The following RORA variants were observed in gnomAD, a reference collection of about 807,000 sequenced individuals.
RORA encodes nuclear receptor ROR-alpha.
A neutral mutation model predicts 69.5 loss-of-function variants in RORA; 7 were observed. That is an observed-to-expected ratio of 0.10 (90% confidence interval 0.06 to 0.19). RORA has a LOEUF of 0.19. Ranked by LOEUF, RORA falls within the 10% of genes least tolerant of loss-of-function variation. The probability of loss-of-function intolerance (pLI) is 1.00; values close to 1 mark genes in which losing one functional copy is unlikely to be tolerated. For missense variants in RORA, 457 were observed against 663.0 expected (o/e 0.69, Z 3.41); for synonymous variants, 261 against 240.8 (o/e 1.08, Z -0.78).
chr15:60,674,905 G>C lies in RORA; in HGVS notation c.196+3752C>G, dbSNP rs143722368. ...GGCAGGCTAGGACAAGAGGTACAAG[G>C]ACTGTAAACAAGGATGAGAACAGAA... On this transcript the variant is annotated intron_variant, in intron 2 of 10. Transcript: ENST00000335670. Among the ~76,000 whole-genome samples the C allele has an allele frequency of 2.8e-4, 43 of 152,220 alleles. No homozygotes were observed. In the East Asian group the frequency reaches 6.9e-3, roughly 25 times the overall value.
In RORA at chr15:61,128,714, T is replaced by C. The variant is rs76405613; in HGVS notation, c.166+100339A>G. On this transcript the variant is annotated intron_variant, in intron 1 of 10. Transcript: ENST00000335670. This position sits in a 1 kb window ranked among gnomAD's most constrained non-coding sequence, Gnocchi z 4.5. ...TATCTGTCAGGGAAGGGGAAATAAC[T>C]CCTGAATTTCCTCCAGGGGAGTAAA... Among the ~76,000 whole-genome samples, 502 of 152,286 alleles carry C rather than the reference T, an allele frequency of 3.3e-3. 15 individuals are homozygous for C. In the East Asian group the frequency reaches 0.061, roughly 18 times the overall value.
At chr15:60,798,912 T>C (rs893741867) in intron 1 of RORA, among the ~76,000 whole-genome samples, 3 of 151,480 alleles carry the variant, frequency 2.0e-5, no homozygotes, top group Non-Finnish European at 2.9e-5. Context: ...AACAAAGGCA[T>C]CTAGTTATTG....
At chr15:60,703,126 A>AAC (rs33962963) in intron 1 of RORA, among the ~76,000 whole-genome samples, 2,817 of 145,534 alleles carry the variant, frequency 0.019, 43 homozygotes, top group African/African-American at 0.035. Flanking sequence ...GCTTCAGATT[A>AAC]ACACACACAC....
chr15:60,767,330 C>T (rs965389840), intron 1 of RORA, among the ~76,000 whole-genome samples: 10 of 152,128 alleles, frequency 6.6e-5, no homozygotes, highest in African/African-American at 1.9e-4. Flanking sequence ...AAGGCAAATA[C>T]TAACTGGAAA....
Position 60,515,963 on chromosome 15 carries a change from TTA to T in RORA, c.283-1208_283-1207del, listed in dbSNP as rs1567050935. 1.4e-3 allele frequency among the ~76,000 whole-genome samples: 15 copies of T among 10,896 alleles called. 1 individual carries two copies. The highest frequency in any genetic ancestry group is 0.05 in the Middle Eastern group (1 of 20). 7.1% of individuals were successfully genotyped at this position (10,896 alleles called of 152,430 possible). On this transcript the variant is annotated intron_variant, in intron 3 of 10. Coordinates refer to ENST00000335670, the MANE Select transcript of RORA (RefSeq NM_134261.3). Reference sequence around the variant, plus strand: ...TTTATATATATTTATATATTTATATTTATATATATTTATATATTTATATATAT... The same window carrying T: ...TTTATATATATTTATATATTTATATTTATATATTTATATATTTATATATAT...
At chr15:61,081,820 A>AAG (rs1566979296) in intron 1 of RORA, among the ~76,000 whole-genome samples, 2 of 151,794 alleles carry the variant, frequency 1.3e-5, no homozygotes, top group South Asian at 2.1e-4. Flanking sequence ...AAAAAAAAAA[A>AAG]AAAGAAAGAA....
intron 1 of RORA, among the ~76,000 whole-genome samples, chr15:60,933,968 A>G (rs1892444605): frequency 1.3e-5 from 2 of 152,226 alleles, no homozygotes; most frequent in Admixed American, 6.5e-5. Flanking sequence ...CAAAGTGATG[A>G]GAAGCGCATT....
intron 7 of RORA, among the ~76,000 whole-genome samples, 168 bp from the exon 8 acceptor site, chr15:60,503,035 T>C (rs550918852): frequency 6.6e-6 from 1 of 152,054 alleles, no homozygotes; most frequent in South Asian, 2.1e-4. Flanking sequence ...AAGGGCAGAG[T>C]TTTCTATGTA....
rs1042724540 is a variant in RORA at position 60,747,881 on chromosome 15, C to T, written c.167-69195G>A. ...CTCAGAAAGAAAAAAAATAATAATG[C>T]TTCTTTGTTTCTAGGACTTGGCCTT... On this transcript the variant is annotated intron_variant, in intron 1 of 10. Coordinates refer to ENST00000335670, the MANE Select transcript of RORA (RefSeq NM_134261.3). Among the ~76,000 whole-genome samples the T allele has an allele frequency of 2.6e-5, 4 of 152,180 alleles. No homozygotes were observed. The South Asian group carries it at 8.3e-4, about 32-fold the overall frequency.
In RORA at chr15:60,495,679, C is replaced by T. The variant is rs1402896916; in HGVS notation, c.*1776G>A. Reference sequence around the variant, plus strand: ...CTGCATGGAAACTCCTACCTTAACACCCATCGGAGATGTTCCCTTTTCTGT... The same window carrying T: ...CTGCATGGAAACTCCTACCTTAACATCCATCGGAGATGTTCCCTTTTCTGT... On this transcript the variant is annotated 3_prime_UTR_variant, in exon 11 of 11. Transcript: ENST00000335670. The T allele has an allele frequency of 6.6e-6, 1 of 152,190 alleles. No homozygotes were observed. Among genetic ancestry groups the T allele is most frequent in the African/African-American group, 2.4e-5 (1 of 41,456 alleles). 9.4% of individuals were successfully genotyped at this position (152,190 alleles called of 1,614,324 possible). A position where few individuals can be genotyped will look rare whatever the true frequency, so the allele number is the denominator to read the frequency against.
intron 2 of RORA, among the ~76,000 whole-genome samples, chr15:60,549,337 C>T (rs1408362837): frequency 6.6e-6 from 1 of 152,084 alleles, no homozygotes; most frequent in Non-Finnish European, 1.5e-5. Flanking sequence ...ATCACCAGGG[C>T]ATATTTGTTG....
intron 1 of RORA, among the ~76,000 whole-genome samples, chr15:60,760,371 A>G (rs1020742592): frequency 6.6e-6 from 1 of 152,192 alleles, no homozygotes; most frequent in Admixed American, 6.5e-5. Flanking sequence ...TACTTGGAAT[A>G]ATTCATTAGC....
intron 1 of RORA, among the ~76,000 whole-genome samples, chr15:61,224,895 C>T (rs1567044700): frequency 6.6e-6 from 1 of 152,160 alleles, no homozygotes; most frequent in East Asian, 1.9e-4. Context: ...TCGTTAGGGG[C>T]TTCAATGCAG....
At chr15:60,858,223 T>C (rs1216943409) in intron 1 of RORA, among the ~76,000 whole-genome samples, 4 of 152,194 alleles carry the variant, frequency 2.6e-5, no homozygotes, top group Non-Finnish European at 5.9e-5. Context: ...CTTGTACTTA[T>C]GAAATGGAAA....
chr15:60,885,474 C>T (rs1006078675), intron 1 of RORA, among the ~76,000 whole-genome samples: 6 of 152,188 alleles, frequency 3.9e-5, no homozygotes, highest in African/African-American at 1.4e-4. Context: ...CCCGGCCTAG[C>T]CCTGTCTGAA....
intron 1 of RORA, among the ~76,000 whole-genome samples, chr15:60,732,833 G>A (rs531075138): frequency 6.6e-6 from 1 of 151,352 alleles, no homozygotes; most frequent in South Asian, 2.1e-4. Context: ...GCACACACAC[G>A]TGCACTTACA....
chr15:61,059,795 C>A (rs1254363157), intron 1 of RORA, among the ~76,000 whole-genome samples: 2 of 151,894 alleles, frequency 1.3e-5, no homozygotes, highest in Non-Finnish European at 2.9e-5. Flanking sequence ...CCCGTTTTGG[C>A]AGCCAATCAC....
chr15:60,976,665 G>T (rs1467963206), intron 1 of RORA, among the ~76,000 whole-genome samples: 1 of 152,158 alleles, frequency 6.6e-6, no homozygotes, highest in Non-Finnish European at 1.5e-5. Flanking sequence ...GACAGGGAAG[G>T]TGCTAATCAT....
intron 1 of RORA, among the ~76,000 whole-genome samples, chr15:60,815,567 A>G (rs1375559860): frequency 2.0e-5 from 3 of 152,042 alleles, no homozygotes; most frequent in African/African-American, 7.2e-5. Flanking sequence ...AAAGATAGGC[A>G]CAGAGAAAAG....
Sources: allele counts gnomAD v4.1 joint callset (sites outside exome capture counted in the v4.1 genomes callset), GRCh38; gene constraint gnomAD v4.1.1; non-coding constraint Gnocchi (gnomAD v3.1); transcripts MANE v1.5; gene names NCBI Gene and HGNC (gene_info 2026-07-23, HGNC 2026-07-21).